The following UBA6 variants were observed in gnomAD, a reference collection of about 807,000 sequenced individuals.
UBA6 encodes the protein ubiquitin like modifier activating enzyme 6.
A neutral mutation model predicts 148.3 loss-of-function variants in UBA6; 87 were observed. The ratio of observed to expected loss-of-function variants is 0.59; its 90% CI spans 0.49 to 0.70. UBA6 has a LOEUF of 0.70. Among genes scored for constraint, UBA6 ranks in the 30% least tolerant of loss-of-function variants. UBA6 has a pLI of 0.00. For missense variants in UBA6, 1,186 were observed against 1,241.2 expected (o/e 0.96, Z 0.67); for synonymous variants, 376 against 401.0 (o/e 0.94, Z 0.75).
intron 19 of UBA6, among the ~76,000 whole-genome samples, chr4:67,637,475 C>T (rs1270703756): frequency 1.2e-4 from 18 of 152,180 alleles, no homozygotes; most frequent in Middle Eastern, 3.4e-3. Flanking sequence ...ATGACGATGG[C>T]GGTTTTGTAG....
intron 1 of UBA6, among the ~76,000 whole-genome samples, chr4:67,699,845 C>T (rs1577849022): frequency 6.6e-6 from 1 of 152,294 alleles, no homozygotes; most frequent in Middle Eastern, 3.4e-3. Context: ...CTCAAGCGAC[C>T]CGCCTGCTTC....
intron 6 of UBA6, among the ~76,000 whole-genome samples, chr4:67,675,192 C>A (rs1372095518): frequency 6.6e-6 from 1 of 152,162 alleles, no homozygotes; most frequent in Non-Finnish European, 1.5e-5. Context: ...TCAGGTCTAT[C>A]TTTCAATTCA....
At chr4:67,626,320 T>C (rs780082780) in intron 28 of UBA6, 40 bp downstream of exon 28, 50 of 1,255,698 alleles carry the variant, frequency 4.0e-5, no homozygotes, top group Non-Finnish European at 5.8e-5. Flanking sequence ...AAATAAAAAC[T>C]CATCCAGTTC....
chr4:67,653,280 C>T (rs1000676812), intron 13 of UBA6, among the ~76,000 whole-genome samples: 7 of 152,124 alleles, frequency 4.6e-5, no homozygotes, highest in African/African-American at 1.2e-4. Context: ...CAGTAGGGGC[C>T]GACAGACACC....
At position 67,673,867 on chromosome 4, in the gene UBA6, G is replaced by C. The variant is rs76770198; in HGVS notation, c.466-90C>G. 803 of 836,616 alleles carry C rather than the reference G, an allele frequency of 9.6e-4. 6 individuals carry two copies. In the African/African-American group the frequency reaches 0.012, roughly 13 times the overall value. 51.8% of individuals were successfully genotyped at this position (836,616 alleles called of 1,614,324 possible). A position where few individuals can be genotyped will look rare whatever the true frequency, so the allele number is the denominator to read the frequency against. ...TCAGAAGCATGTCAGTTTGCGTTGTGCTAAAGACACATCGCTAATCTCATT... is the reference window on the plus strand; with the variant it reads ...TCAGAAGCATGTCAGTTTGCGTTGTCCTAAAGACACATCGCTAATCTCATT... On this transcript the variant is annotated intron_variant, in intron 6 of 32. Transcript: ENST00000322244.
At chr4:67,671,317 G>A (rs1484645739) in intron 7 of UBA6, among the ~76,000 whole-genome samples, 2 of 151,748 alleles carry the variant, frequency 1.3e-5, no homozygotes, top group Admixed American at 6.6e-5. Context: ...TTGATATTAC[G>A]GTATAAGAAC....
At chr4:67,699,694 T>C (rs1730927644) in intron 1 of UBA6, among the ~76,000 whole-genome samples, 1 of 152,178 alleles carries the variant, frequency 6.6e-6, no homozygotes, top group African/African-American at 2.4e-5. Flanking sequence ...TCGATCTCTC[T>C]AGACTCAAGC....
intron 13 of UBA6, 91 bp downstream of exon 13, chr4:67,662,098 G>A (rs768840767): frequency 7.9e-7 from 1 of 1,268,932 alleles, no homozygotes; most frequent in Admixed American, 1.7e-5. Flanking sequence ...GAGTAGCAAA[G>A]CTGGATGTGA....
chr4:67,667,303 G>C (rs1357358232), intron 9 of UBA6, among the ~76,000 whole-genome samples: 1 of 152,038 alleles, frequency 6.6e-6, no homozygotes, highest in African/African-American at 2.4e-5. Context: ...CAACATGCAT[G>C]CTAAAATTAC....
intron 17 of UBA6, among the ~76,000 whole-genome samples, chr4:67,644,159 C>A (rs1729367211): frequency 6.6e-6 from 1 of 152,006 alleles, no homozygotes; most frequent in Non-Finnish European, 1.5e-5. Flanking sequence ...AGGCAAACAG[C>A]ACCAGTGAAA....
At chr4:67,662,464 GTTTT>G (rs920297517) in intron 12 of UBA6, 34 of 391,528 alleles carry the variant, frequency 8.7e-5, no homozygotes, top group African/African-American at 6.3e-4. Flanking sequence ...AATAAGTTTA[GTTTT>G]TTTTGTTTTT....
chr4:67,681,541 C>A, intron 4 of UBA6, 22 bp downstream of exon 4: 1 of 1,545,546 alleles, frequency 6.5e-7, no homozygotes, highest in Non-Finnish European at 8.7e-7. Flanking sequence ...AACAATTTTT[C>A]TTACAGAGGA....
At chr4:67,688,899 A>G (rs761194896) in intron 2 of UBA6, among the ~76,000 whole-genome samples, 5 of 152,148 alleles carry the variant, frequency 3.3e-5, no homozygotes, top group African/African-American at 4.8e-5. Flanking sequence ...TCTAGTAAAT[A>G]CTAACTAAAT....
intron 13 of UBA6, among the ~76,000 whole-genome samples, chr4:67,655,181 C>T (rs915804757): frequency 1.3e-5 from 2 of 152,152 alleles, no homozygotes; most frequent in Non-Finnish European, 2.9e-5. Flanking sequence ...CAGCTCTGCA[C>T]CAAGTGGACC....
chr4:67,677,577 G>A lies in UBA6; in HGVS notation c.465+34C>T, dbSNP rs769226499. 6.9e-5 allele frequency: 79 copies of A among 1,142,472 alleles called. 2 individuals carry two copies. The Admixed American group carries it at 8.8e-4, about 13-fold the overall frequency. The allele number at this position is 1,142,472 out of a possible 1,614,324, so 70.8% of individuals were successfully genotyped here. ...ATTTAACAATTTTGCCCTGGAACCTGTCAATAACATTTAATACAAAATGGA... is the reference window on the plus strand; with the variant it reads ...ATTTAACAATTTTGCCCTGGAACCTATCAATAACATTTAATACAAAATGGA... On this transcript the variant is annotated intron_variant, in intron 6 of 32. Transcript: ENST00000322244.
chr4:67,653,181 A>T (rs1253728476), intron 13 of UBA6, among the ~76,000 whole-genome samples: 1 of 152,190 alleles, frequency 6.6e-6, no homozygotes, highest in Non-Finnish European at 1.5e-5. Context: ...AGTGGTTCTC[A>T]TAGCATGGCG....
Position 67,696,370 on chromosome 4 carries a change from T to G in UBA6, c.134+275A>C, listed in dbSNP as rs9761502. Among the ~76,000 whole-genome samples the G allele has an allele frequency of 5.0e-3, 758 of 152,110 alleles. 9 individuals are homozygous for G. The highest frequency in any genetic ancestry group is 0.017 in the African/African-American group (712 of 41,534). ...AATCACAGAAACCCTAATTTTAACT[T>G]GAGAGGAACTCTTTATATATATGTG... On this transcript the variant is annotated intron_variant, in intron 2 of 32. Coordinates refer to ENST00000322244, the MANE Select transcript of UBA6 (RefSeq NM_018227.6).
chr4:67,656,569 A>C (rs1184681539), intron 13 of UBA6, among the ~76,000 whole-genome samples: 1 of 152,210 alleles, frequency 6.6e-6, no homozygotes, highest in African/African-American at 2.4e-5. Context: ...CCCACAGCCA[A>C]TATCATACTG....
intron 10 of UBA6, among the ~76,000 whole-genome samples, chr4:67,664,758 A>G (rs1445002624): frequency 6.6e-6 from 1 of 152,166 alleles, no homozygotes; most frequent in East Asian, 1.9e-4. Flanking sequence ...AAAAACCAGG[A>G]TTAACAAGTA....
Sources: allele counts gnomAD v4.1 joint callset (sites outside exome capture counted in the v4.1 genomes callset), GRCh38; gene constraint gnomAD v4.1.1; transcripts MANE v1.5; gene names NCBI Gene and HGNC (gene_info 2026-07-23, HGNC 2026-07-21).